TBC1D22A: variants seen among roughly 807,000 people sequenced by gnomAD.
TBC1D22A encodes TBC1 domain family member 22A, also known as putative GTPase activator.
A neutral mutation model predicts 60.2 loss-of-function variants in TBC1D22A; 38 were observed. That is an observed-to-expected ratio of 0.63 (90% CI 0.49 to 0.83). The LOEUF is 0.83. Ranked by LOEUF, TBC1D22A falls within the 40% of genes least tolerant of loss-of-function variation. The probability of loss-of-function intolerance (pLI) is 0.00; values close to 1 mark genes in which losing one functional copy is unlikely to be tolerated. For missense variants in TBC1D22A, 628 were observed against 701.0 expected (o/e 0.90, Z 1.18); for synonymous variants, 302 against 281.7 (o/e 1.07, Z -0.72).
At chr22:46,879,394 T>G (rs4823576) in intron 5 of TBC1D22A, among the ~76,000 whole-genome samples, 90,049 of 152,030 alleles carry the variant, frequency 0.59, 29,592 homozygotes, top group Middle Eastern at 0.83. Flanking sequence ...ATTTCAGAAT[T>G]GTTTATAGAC....
intron 1 of TBC1D22A, among the ~76,000 whole-genome samples, chr22:46,787,789 G>A (rs1012637447): frequency 2.0e-5 from 3 of 152,144 alleles, no homozygotes; most frequent in African/African-American, 7.2e-5. Context: ...AGAATGGGGA[G>A]GGTTTCAACT....
chr22:46,984,439 G>C (rs1338468777), intron 9 of TBC1D22A, among the ~76,000 whole-genome samples: 1 of 141,508 alleles, frequency 7.1e-6, no homozygotes, highest in East Asian at 2.1e-4. Flanking sequence ...GCCCTCTCAG[G>C]CTTTTAGGGG....
intron 8 of TBC1D22A, among the ~76,000 whole-genome samples, chr22:46,933,858 G>A (rs899922986): frequency 1.3e-5 from 2 of 152,238 alleles, no homozygotes; most frequent in Non-Finnish European, 2.9e-5. Flanking sequence ...CACAGCTTTA[G>A]TGTGAGAGGA....
At chr22:46,819,606 A>G (rs1436550047) in intron 4 of TBC1D22A, among the ~76,000 whole-genome samples, 2 of 152,204 alleles carry the variant, frequency 1.3e-5, no homozygotes, top group Non-Finnish European at 2.9e-5. Context: ...CATGGTGGAT[A>G]AGCTTTTTGA....
intron 12 of TBC1D22A, among the ~76,000 whole-genome samples, chr22:47,124,817 A>G (rs2066397489): frequency 6.6e-6 from 1 of 151,956 alleles, no homozygotes; most frequent in Non-Finnish European, 1.5e-5. Flanking sequence ...CGCCAGTCTG[A>G]GCACAGCTGG....
At chr22:46,944,781 T>C (rs989934228) in intron 8 of TBC1D22A, among the ~76,000 whole-genome samples, 4 of 152,248 alleles carry the variant, frequency 2.6e-5, no homozygotes, top group African/African-American at 9.6e-5. Flanking sequence ...TCTCACATTT[T>C]ATACAATGAA....
Position 46,793,603 on chromosome 22 carries a change from T to G in TBC1D22A, c.222T>G (p.Ala74=). ...FESNTSDAWD[A]GEDDDELLAM... is the part of the protein sequence containing the mutation. ...GCAATACCAGCGATGCCTGGGACGC[T>G]GGGGAGGACGACGATGAGCTCCTGG... Residue 74 remains alanine (A), a synonymous_variant, in exon 3 of 13, where the codon GCT becomes GCG. Coordinates refer to ENST00000337137, the MANE Select transcript of TBC1D22A (RefSeq NM_014346.5). 1 of 1,613,940 alleles carries G rather than the reference T, an allele frequency of 6.2e-7. No homozygotes were observed. The highest frequency in any genetic ancestry group is 8.5e-7 in the Non-Finnish European group (1 of 1,180,034).
chr22:46,881,840 C>G (rs1331794155), intron 5 of TBC1D22A, among the ~76,000 whole-genome samples: 1 of 152,214 alleles, frequency 6.6e-6, no homozygotes, highest in Non-Finnish European at 1.5e-5. Flanking sequence ...TTGGTGAGCA[C>G]TGATGCCATC....
chr22:46,974,518 A>G, intron 9 of TBC1D22A, 119 bp downstream of exon 9: 1 of 790,652 alleles, frequency 1.3e-6, no homozygotes, highest in East Asian at 2.7e-5. Context: ...CTGAAGCCTC[A>G]CTTTTCTACA....
Position 46,937,662 on chromosome 22 carries a change from A to G in TBC1D22A, c.1015+25474A>G, listed in dbSNP as rs1226382342. Among the ~76,000 whole-genome samples, 3 of 152,230 alleles carry G rather than the reference A, an allele frequency of 2.0e-5. No individual in the cohort carries two copies. In the East Asian group the frequency reaches 5.8e-4, roughly 29 times the overall value. On this transcript the variant is annotated intron_variant, in intron 8 of 12. Transcript: ENST00000337137. ...TTTCAGGAGGTATCCAGAAGAAGGC[A>G]TAGTTATCAGAGGAGACGATAGCTC... is the stretch of plus-strand genomic sequence containing the variant.
chr22:46,989,452 ACT>A (rs1385888265), intron 9 of TBC1D22A, among the ~76,000 whole-genome samples: 2 of 151,656 alleles, frequency 1.3e-5, no homozygotes, highest in African/African-American at 2.4e-5. Context: ...AGAATGTGCG[ACT>A]CTTTCTTTAT....
intron 5 of TBC1D22A, among the ~76,000 whole-genome samples, chr22:46,882,973 A>C (rs1282327630): frequency 1.3e-5 from 2 of 152,268 alleles, no homozygotes; most frequent in Non-Finnish European, 2.9e-5. Context: ...TGAAAAACTA[A>C]CATCTAGTCT....
chr22:46,824,278 T>C (rs1027022881), intron 4 of TBC1D22A, among the ~76,000 whole-genome samples: 1 of 152,038 alleles, frequency 6.6e-6, no homozygotes, highest in African/African-American at 2.4e-5. Flanking sequence ...AAGGGGCTGC[T>C]TATGAAGGTG....
At chr22:47,157,544 C>T (rs1440309738) in intron 12 of TBC1D22A, among the ~76,000 whole-genome samples, 4 of 152,214 alleles carry the variant, frequency 2.6e-5, no homozygotes, top group African/African-American at 9.6e-5. Flanking sequence ...CATTCTGCAC[C>T]TGGCCTCGCA....
intron 7 of TBC1D22A, among the ~76,000 whole-genome samples, chr22:46,911,620 T>C (rs1258675805): frequency 6.6e-6 from 1 of 152,068 alleles, no homozygotes; most frequent in Non-Finnish European, 1.5e-5. Context: ...TAAAATCAAG[T>C]TTCAATTGTC....
At chr22:46,822,050 C>T (rs767020193) in intron 4 of TBC1D22A, among the ~76,000 whole-genome samples, 1 of 151,846 alleles carries the variant, frequency 6.6e-6, no homozygotes, top group Non-Finnish European at 1.5e-5. Context: ...CTTGTGTTTG[C>T]TTCACGAAGA....
In TBC1D22A at chr22:47,151,827, A is replaced by G. The variant is rs1233068482; in HGVS notation, c.1426-21671A>G. Among the ~76,000 whole-genome samples the G allele has an allele frequency of 2.6e-5, 4 of 152,178 alleles. 1 individual carries two copies. Among genetic ancestry groups the G allele is most frequent in the Admixed American group, 1.3e-4 (2 of 15,286 alleles). On this transcript the variant is annotated intron_variant, in intron 12 of 12. Transcript: ENST00000337137. The stretch of plus-strand genomic sequence containing the variant: ...CGGCCTGTCGGGAAAGAGCAGCGTC[A>G]CCCAGGGGACGGGGAGGACCCCTTC...
At chr22:47,173,087 G>A (rs2068550273) in intron 12 of TBC1D22A, among the ~76,000 whole-genome samples, 1 of 152,230 alleles carries the variant, frequency 6.6e-6, no homozygotes, top group Non-Finnish European at 1.5e-5. Flanking sequence ...GCTGCAGCAG[G>A]GCCCCGAGAG....
intron 8 of TBC1D22A, among the ~76,000 whole-genome samples, chr22:46,970,471 G>C (rs895946295): frequency 6.6e-6 from 1 of 152,164 alleles, no homozygotes; most frequent in Admixed American, 6.5e-5. Context: ...CATCTCTGCT[G>C]TCCTATGGAG....
Sources: allele counts gnomAD v4.1 joint callset (sites outside exome capture counted in the v4.1 genomes callset), GRCh38; gene constraint gnomAD v4.1.1; transcripts MANE v1.5; gene names NCBI Gene and HGNC (gene_info 2026-07-23, HGNC 2026-07-21).